RGS6: variants seen among roughly 807,000 people sequenced by gnomAD.
RGS6 encodes regulator of G protein signaling 6.
In RGS6, 30 loss-of-function variants were observed where a neutral mutation model predicts 78.5. That is an observed-to-expected ratio of 0.38 (90% CI 0.29 to 0.52). The LOEUF is 0.52. Among genes scored for constraint, RGS6 ranks in the 20% least tolerant of loss-of-function variants. The probability of loss-of-function intolerance (pLI) is 0.85; values close to 1 mark genes in which losing one functional copy is unlikely to be tolerated. For synonymous variants in RGS6, 206 were observed against 206.0 expected, an observed-to-expected ratio of 1.00 and a Z score of 0.00; for missense variants, 495 against 609.7, an observed-to-expected ratio of 0.81 and a Z score of 1.98.
intron 2 of RGS6, among the ~76,000 whole-genome samples, chr14:72,154,745 A>G (rs1311928495): frequency 6.6e-6 from 1 of 152,172 alleles, no homozygotes; most frequent in East Asian, 1.9e-4. Context: ...TATTTTTTGC[A>G]AATGCCTGTC....
chr14:72,421,015 A>G (rs958260056), intron 3 of RGS6: 1 of 152,072 alleles, frequency 6.6e-6, no homozygotes, highest in Non-Finnish European at 1.5e-5. Flanking sequence ...TCGAGCAAGG[A>G]CACCGGTTCA....
At chr14:72,085,666 C>T (rs1010654052) in intron 2 of RGS6, among the ~76,000 whole-genome samples, 1 of 151,988 alleles carries the variant, frequency 6.6e-6, no homozygotes, top group African/African-American at 2.4e-5. Flanking sequence ...CCAGCCTGGC[C>T]AACATGGCGA....
chr14:72,195,365 G>A lies in RGS6; in HGVS notation c.85-156730G>A, dbSNP rs2039827862. ...GTAGATAGTTGGATATTCAAATCTG[G>A]GGCTTAGGCAGAGGCCAGGGCTATG... is the stretch of plus-strand genomic sequence containing the variant. On this transcript the variant is annotated intron_variant, in intron 2 of 17. Transcript: ENST00000553525. 2.0e-5 allele frequency among the ~76,000 whole-genome samples: 3 copies of A among 152,172 alleles called. No homozygotes were observed. In the South Asian group the frequency reaches 6.2e-4, roughly 32 times the overall value.
At chr14:72,473,070 G>T in intron 9 of RGS6, 117 bp downstream of exon 9, 1 of 657,992 alleles carries the variant, frequency 1.5e-6, no homozygotes. Flanking sequence ...AAATCGCTCA[G>T]CTTTGTGGAA....
rs116647904 is a variant in RGS6, at chr14:71,935,735, C to T, written c.-21+2794C>T. Among the ~76,000 whole-genome samples the T allele has an allele frequency of 3.8e-3, 577 of 152,072 alleles. 6 individuals are homozygous for T. The highest frequency in any genetic ancestry group is 0.013 in the African/African-American group (550 of 41,500). The stretch of plus-strand genomic sequence containing the variant: ...CCAACTTCTCCTGTGGCCTCTGGGC[C>T]TCTGTTTCCCTAAAGGGCAAAAGGT... On this transcript the variant is annotated intron_variant, in intron 1 of 17. Transcript: ENST00000553525.
At chr14:72,484,931 ATTTTTTTTTT>A (rs550497245) in intron 12 of RGS6, among the ~76,000 whole-genome samples, 2 of 117,966 alleles carry the variant, frequency 1.7e-5, no homozygotes, top group East Asian at 2.7e-4. Context: ...CATCTGGTAG[ATTTTTTTTTT>A]TTTTTTTTTT....
intron 15 of RGS6, among the ~76,000 whole-genome samples, chr14:72,522,675 ATTC>A (rs151039063): frequency 0.15 from 23,329 of 152,116 alleles, 1,867 homozygotes; most frequent in African/African-American, 0.21. Flanking sequence ...ACAAAATACA[ATTC>A]TTCTTTTAGT....
chr14:72,366,518 C>T (rs1407620887), intron 3 of RGS6, among the ~76,000 whole-genome samples: 1 of 152,132 alleles, frequency 6.6e-6, no homozygotes, highest in Non-Finnish European at 1.5e-5. Flanking sequence ...AAAGAAGAAC[C>T]CAACATCAGA....
At chr14:72,326,728 A>T (rs904514023) in intron 2 of RGS6, among the ~76,000 whole-genome samples, 1 of 152,108 alleles carries the variant, frequency 6.6e-6, no homozygotes, top group African/African-American at 2.4e-5. Flanking sequence ...TTTGAGATGG[A>T]GTCTCGCTCT....
chr14:72,454,404 C>T, intron 3 of RGS6, 124 bp from the exon 4 acceptor site: 2 of 954,542 alleles, frequency 2.1e-6, no homozygotes, highest in East Asian at 2.4e-5. Context: ...AAAAAAGTGC[C>T]CATATTATCC....
the RGS6 span, among the ~76,000 whole-genome samples, chr14:71,916,388 G>A: frequency 1.3e-5 from 2 of 152,158 alleles, no homozygotes; most frequent in African/African-American, 4.8e-5. Context: ...TATGCTTTGT[G>A]TTTACAGGCT....
At chr14:72,594,089 T>C in the RGS6 span, among the ~76,000 whole-genome samples, 1 of 152,190 alleles carries the variant, frequency 6.6e-6, no homozygotes, top group African/African-American at 2.4e-5. Flanking sequence ...TGTGGGCTTA[T>C]GAAACGTCTT....
At position 71,952,624 on chromosome 14, in the gene RGS6, C is replaced by A. The variant is rs751711404; in HGVS notation, c.-20-12148C>A. On this transcript the variant is annotated intron_variant, in intron 1 of 17. Coordinates refer to ENST00000553525, the MANE Select transcript of RGS6 (RefSeq NM_001204424.2). ...CCGAGAACCTATTCAATTGTTATTT[C>A]TTTGATCTATATTGCTTTTGGCTGG... is the stretch of plus-strand genomic sequence containing the variant. Among the ~76,000 whole-genome samples the A allele has an allele frequency of 3.9e-5, 6 of 151,910 alleles. No individual in the cohort carries two copies. The South Asian group carries it at 6.3e-4, about 16-fold the overall frequency.
intron 2 of RGS6, among the ~76,000 whole-genome samples, chr14:72,172,778 A>G (rs1438184679): frequency 6.6e-6 from 1 of 152,204 alleles, no homozygotes; most frequent in African/African-American, 2.4e-5. Context: ...AAGTCACTCC[A>G]CCTGAGGACT....
chr14:72,233,230 C>T (rs1253357039), intron 2 of RGS6, among the ~76,000 whole-genome samples: 1 of 152,110 alleles, frequency 6.6e-6, no homozygotes, highest in African/African-American at 2.4e-5. Context: ...AAGCGAGTTC[C>T]CTATCATTGG....
chr14:72,333,279 T>C (rs184061719), intron 2 of RGS6, among the ~76,000 whole-genome samples: 1 of 152,292 alleles, frequency 6.6e-6, no homozygotes, highest in Non-Finnish European at 1.5e-5. Context: ...AGCTGTTAGG[T>C]TGAGGCTTTG....
chr14:72,260,655 G>A (rs1294113335), intron 2 of RGS6, among the ~76,000 whole-genome samples: 1 of 152,210 alleles, frequency 6.6e-6, no homozygotes, highest in Non-Finnish European at 1.5e-5. Context: ...TCTAGAGATA[G>A]GGGTTATGGC....
the RGS6 span, among the ~76,000 whole-genome samples, chr14:71,871,978 G>A: frequency 1.6e-4 from 25 of 152,024 alleles, no homozygotes; most frequent in Non-Finnish European, 2.8e-4. Flanking sequence ...GGGGGTGGAG[G>A]GGGTGGTGGA....
At chr14:72,243,521 A>G (rs1430269277) in intron 2 of RGS6, among the ~76,000 whole-genome samples, 3 of 152,288 alleles carry the variant, frequency 2.0e-5, no homozygotes, top group South Asian at 2.1e-4. Flanking sequence ...TCCATTGCAT[A>G]TTTGCTACAG....
Sources: gnomAD v4.1 joint callset for allele counts (sites outside exome capture counted in the v4.1 genomes callset) on GRCh38, gnomAD v4.1.1 for gene constraint, MANE v1.5 for transcripts, NCBI Gene and HGNC (gene_info 2026-07-23, HGNC 2026-07-21) for gene names.